The following FBXL2 variants were observed in gnomAD, a reference collection of about 807,000 sequenced individuals.
FBXL2 encodes F-box and leucine rich repeat protein 2, also known as F-box/LRR-repeat protein 2.
A neutral mutation model predicts 69.2 loss-of-function variants in FBXL2; 38 were observed. That is an observed-to-expected ratio of 0.55 (90% CI 0.42 to 0.72). The LOEUF is 0.72. Among genes scored for constraint, FBXL2 ranks in the 30% least tolerant of loss-of-function variants. The pLI is 0.00. For synonymous variants in FBXL2, 192 were observed against 201.3 expected (o/e 0.95, Z 0.39); for missense variants, 354 against 520.3 (o/e 0.68, Z 3.11).
intron 1 of FBXL2, among the ~76,000 whole-genome samples, chr3:33,286,133 G>C (rs928904362): frequency 1.3e-5 from 2 of 152,162 alleles, no homozygotes; most frequent in Non-Finnish European, 2.9e-5. Context: ...AGAATTTTCA[G>C]CTTTTCTGCT....
chr3:33,408,841 CAAAG>C, the FBXL2 span: 1 of 1,513,330 alleles, frequency 6.6e-7, no homozygotes, highest in South Asian at 1.1e-5. Context: ...TTTCATTATA[CAAAG>C]AAAGATCTAA....
chr3:33,392,293 G>A (rs551121736), downstream of FBXL2: 14 of 346,500 alleles, frequency 4.0e-5, no homozygotes, highest in South Asian at 2.2e-4. Flanking sequence ...TCCACTGAGC[G>A]ACAGAAGCAC....
At chr3:33,322,694 G>A (rs978431745) in intron 2 of FBXL2, among the ~76,000 whole-genome samples, 3 of 152,176 alleles carry the variant, frequency 2.0e-5, no homozygotes, top group Admixed American at 2.0e-4. Context: ...TATTAGTGGA[G>A]ACGTAGAGAA....
Position 33,315,800 on chromosome 3 carries a change from A to C in FBXL2, c.65+18075A>C, listed in dbSNP as rs578094478. ...TGTTTTGTGGACATATCTTTCTGGT[A>C]TGTTTTAATCATAGGGATATTATTC... On this transcript the variant is annotated intron_variant, in intron 2 of 14. Coordinates refer to ENST00000484457, the MANE Select transcript of FBXL2 (RefSeq NM_012157.5). Among the ~76,000 whole-genome samples, 36 of 152,186 alleles carry C rather than the reference A, an allele frequency of 2.4e-4. 1 individual carries two copies. The South Asian group carries it at 7.5e-3, about 32-fold the overall frequency.
At chr3:33,406,592 T>C (rs905506538), downstream of FBXL2, among the ~76,000 whole-genome samples, 4 of 152,226 alleles carry the variant, frequency 2.6e-5, no homozygotes, top group African/African-American at 9.6e-5. Flanking sequence ...GGCAGAGTAA[T>C]GTAGAAACAC....
intron 1 of FBXL2, chr3:33,289,889 C>T (rs1459164345): frequency 2.8e-5 from 17 of 605,508 alleles, no homozygotes; most frequent in South Asian, 1.5e-4. Flanking sequence ...TAAGCCTGGG[C>T]GTGCAACAGG....
At chr3:33,411,661 C>A in the FBXL2 span, 1 of 1,614,046 alleles carries the variant, frequency 6.2e-7, no homozygotes. Context: ...GTCCTTGTGT[C>A]AATTATTCCC....
intron 13 of FBXL2, among the ~76,000 whole-genome samples, chr3:33,379,327 CTG>C (rs2042859829): frequency 6.6e-6 from 1 of 151,956 alleles, no homozygotes; most frequent in African/African-American, 2.4e-5. Context: ...TCTATACACT[CTG>C]TTTTAGGAAA....
chr3:33,408,917 TAAAAA>T, the FBXL2 span: 1 of 1,023,518 alleles, frequency 9.8e-7, no homozygotes, highest in Non-Finnish European at 1.4e-6. Context: ...GATTCAAAGT[TAAAAA>T]AAATGCAAAA....
At chr3:33,327,800 A>G (rs746399170) in intron 2 of FBXL2, among the ~76,000 whole-genome samples, 5 of 152,116 alleles carry the variant, frequency 3.3e-5, no homozygotes, top group Non-Finnish European at 7.4e-5. Flanking sequence ...AAGGATGCCT[A>G]CTTTCACCAT....
At chr3:33,400,921 A>T in intron 12 of FBXL2, 1 of 1,577,234 alleles carries the variant, frequency 6.3e-7, no homozygotes. Context: ...AAAATGTAGA[A>T]CCCTGAAAGC....
At chr3:33,300,827 G>C (rs1386647699) in intron 2 of FBXL2, among the ~76,000 whole-genome samples, 1 of 150,792 alleles carries the variant, frequency 6.6e-6, no homozygotes, top group Non-Finnish European at 1.5e-5. Context: ...TCCTGCCTCA[G>C]CCTCCTGTGT....
At chr3:33,297,940 G>T in intron 2 of FBXL2, 1 of 593,568 alleles carries the variant, frequency 1.7e-6, no homozygotes, top group South Asian at 1.6e-5. Flanking sequence ...CATAGCATTG[G>T]TCTGGATTCT....
intron 2 of FBXL2, among the ~76,000 whole-genome samples, chr3:33,313,766 C>G (rs1390640344): frequency 6.6e-6 from 1 of 152,124 alleles, no homozygotes; most frequent in Non-Finnish European, 1.5e-5. Context: ...TTATTCAGTA[C>G]TCATTATCAG....
At chr3:33,343,098 A>C (rs1332543494) in intron 2 of FBXL2, among the ~76,000 whole-genome samples, 1 of 151,736 alleles carries the variant, frequency 6.6e-6, no homozygotes, top group Non-Finnish European at 1.5e-5. Flanking sequence ...TATGCATGTT[A>C]TAATTTATGA....
intron 2 of FBXL2, among the ~76,000 whole-genome samples, chr3:33,338,443 A>G (rs967091447): frequency 6.6e-6 from 1 of 152,062 alleles, no homozygotes. Flanking sequence ...TCCATATGGA[A>G]TGAAAAAAAA....
intron 5 of FBXL2, among the ~76,000 whole-genome samples, chr3:33,367,371 C>T (rs371058623): frequency 4.6e-5 from 7 of 152,132 alleles, no homozygotes; most frequent in East Asian, 1.9e-4. Flanking sequence ...CGTGAGCCAC[C>T]GCACCCGGCC....
At chr3:33,348,408 A>G (rs2040602283) in intron 2 of FBXL2, among the ~76,000 whole-genome samples, 1 of 152,128 alleles carries the variant, frequency 6.6e-6, no homozygotes, top group African/African-American at 2.4e-5. Flanking sequence ...TGATTACTAT[A>G]GCTCTGTAGT....
At chr3:33,422,257 A>C in the FBXL2 span, among the ~76,000 whole-genome samples, 1 of 152,044 alleles carries the variant, frequency 6.6e-6, no homozygotes, top group Non-Finnish European at 1.5e-5. Flanking sequence ...GAATCCTCTC[A>C]TTAGAAAAAT....
Sources: allele counts gnomAD v4.1 joint callset (sites outside exome capture counted in the v4.1 genomes callset), GRCh38; gene constraint gnomAD v4.1.1; transcripts MANE v1.5; gene names NCBI Gene and HGNC (gene_info 2026-07-23, HGNC 2026-07-21).